Variants in MGAT4C observed in about 807,000 individuals in gnomAD.
MGAT4C encodes the protein MGAT4 family member C.
In MGAT4C, 19 loss-of-function variants were observed where a neutral mutation model predicts 40.1. The observed-to-expected ratio is 0.47, with a 90% confidence interval of 0.33 to 0.70. The LOEUF (loss-of-function observed/expected upper bound fraction) is 0.70. Ranked by LOEUF, MGAT4C falls within the 30% of genes least tolerant of loss-of-function variation. The pLI is 0.02. For missense variants in MGAT4C, 491 were observed against 563.2 expected (o/e 0.87, Z 1.30); for synonymous variants, 181 against 187.1 (o/e 0.97, Z 0.27).
chr12:86,195,254 C>T (rs774953540), intron 1 of MGAT4C, among the ~76,000 whole-genome samples: 4 of 152,164 alleles, frequency 2.6e-5, no homozygotes, highest in Non-Finnish European at 5.9e-5. Context: ...TTCTCAAGGG[C>T]TGGTTGCTGA....
intron 2 of MGAT4C, among the ~76,000 whole-genome samples, chr12:86,000,123 T>C (rs567736282): frequency 1.8e-4 from 27 of 152,170 alleles, no homozygotes; most frequent in African/African-American, 6.3e-4. Flanking sequence ...CACACAAATA[T>C]GTAAAATTGT....
At chr12:86,460,739 C>A (rs1202188508) in intron 2 of MGAT4C, among the ~76,000 whole-genome samples, 1 of 151,622 alleles carries the variant, frequency 6.6e-6, no homozygotes, top group South Asian at 2.1e-4. Context: ...TTTTTTTCTT[C>A]CCTGAGAAAT....
chr12:86,283,506 A>AT (rs1461755680), intron 4 of MGAT4C, among the ~76,000 whole-genome samples: 1 of 152,078 alleles, frequency 6.6e-6, no homozygotes, highest in Non-Finnish European at 1.5e-5. Flanking sequence ...GAAGAAAAAA[A>AT]TTTAAACAAT....
At chr12:86,165,932 G>A (rs1886147036) in intron 1 of MGAT4C, among the ~76,000 whole-genome samples, 1 of 152,104 alleles carries the variant, frequency 6.6e-6, no homozygotes, top group Non-Finnish European at 1.5e-5. Flanking sequence ...GTCAACATTT[G>A]AAACAGCTAA....
Position 85,963,407 on chromosome 12 carries a change from T to C in MGAT4C, c.*15882A>G, listed in dbSNP as rs1003698736. 2.6e-5 allele frequency: 4 copies of C among 151,842 alleles called. No homozygotes were observed. The highest frequency in any genetic ancestry group is 9.7e-5 in the African/African-American group (4 of 41,406). 9.4% of individuals were successfully genotyped at this position (151,842 alleles called of 1,614,324 possible). On this transcript the variant is annotated 3_prime_UTR_variant, in exon 5 of 5. Coordinates refer to ENST00000611864, the MANE Select transcript of MGAT4C (RefSeq NM_001351288.2). The stretch of plus-strand genomic sequence containing the variant: ...GATAATGATGAAAGCACAGAGATGC[T>C]ATCAAGAAAAATTTACCCACATAGG...
At chr12:86,821,853 A>G (rs1468612119) in intron 1 of MGAT4C, among the ~76,000 whole-genome samples, 2 of 151,018 alleles carry the variant, frequency 1.3e-5, no homozygotes, top group Non-Finnish European at 3.0e-5. Context: ...AGATAATATG[A>G]GAAAGACAAC....
In MGAT4C at chr12:86,199,383, A is replaced by G. The variant is rs537808192; in HGVS notation, c.-57+56856T>C. ...CAATGTTAAGGGACAGTTTAGGGGA[A>G]AAAGTAGAATTTTGTTCTAAATAAG... On this transcript the variant is annotated intron_variant, in intron 1 of 4. Coordinates refer to ENST00000611864, the MANE Select transcript of MGAT4C (RefSeq NM_001351288.2). Among the ~76,000 whole-genome samples the G allele has an allele frequency of 1.3e-4, 8 of 61,880 alleles. No homozygotes were observed. The East Asian group carries it at 3.2e-3, about 25-fold the overall frequency. 40.6% of individuals were successfully genotyped at this position (61,880 alleles called of 152,430 possible).
intron 1 of MGAT4C, among the ~76,000 whole-genome samples, chr12:86,175,921 A>G (rs922422716): frequency 2.0e-5 from 3 of 152,080 alleles, no homozygotes; most frequent in Non-Finnish European, 4.4e-5. Flanking sequence ...CAGTGAGCCG[A>G]TATCGCGCCA....
At chr12:86,240,313 T>C (rs1453994361) in intron 1 of MGAT4C, among the ~76,000 whole-genome samples, 1 of 151,860 alleles carries the variant, frequency 6.6e-6, no homozygotes, top group Admixed American at 6.6e-5. Flanking sequence ...CAGAGGCAAA[T>C]GTCTATCACT....
At chr12:86,187,076 C>A (rs1888842972) in intron 1 of MGAT4C, among the ~76,000 whole-genome samples, 1 of 152,058 alleles carries the variant, frequency 6.6e-6, no homozygotes, top group African/African-American at 2.4e-5. Context: ...ACATTCTGCA[C>A]ATTTTTTTTC....
chr12:86,047,956 C>CAT (rs1412859935), intron 2 of MGAT4C, among the ~76,000 whole-genome samples: 24 of 62,478 alleles, frequency 3.8e-4, no homozygotes, highest in Non-Finnish European at 1.8e-4. Flanking sequence ...CAAAAACACA[C>CAT]ACGGAAAATA....
chr12:86,747,951 C>T (rs529162182), intron 1 of MGAT4C, among the ~76,000 whole-genome samples: 1 of 151,624 alleles, frequency 6.6e-6, no homozygotes, highest in African/African-American at 2.4e-5. Context: ...CTCTGTAGCA[C>T]ATAAGTTACC....
intron 2 of MGAT4C, among the ~76,000 whole-genome samples, chr12:86,031,073 T>A (rs1890715485): frequency 6.6e-6 from 1 of 151,806 alleles, no homozygotes; most frequent in South Asian, 2.1e-4. Context: ...TCAAACTGAA[T>A]CTATCATAGT....
At chr12:86,074,514 C>T (rs1158844284) in intron 1 of MGAT4C, among the ~76,000 whole-genome samples, 2 of 152,124 alleles carry the variant, frequency 1.3e-5, no homozygotes, top group African/African-American at 2.4e-5. Flanking sequence ...AGTATAATGA[C>T]ACTCTATGTA....
At chr12:86,389,279 A>T (rs1269314575) in intron 3 of MGAT4C, among the ~76,000 whole-genome samples, 1 of 152,124 alleles carries the variant, frequency 6.6e-6, no homozygotes, top group East Asian at 1.9e-4. Context: ...CACACTTATA[A>T]GTGAGAACAT....
At chr12:86,465,249 A>G (rs1399387775) in intron 2 of MGAT4C, among the ~76,000 whole-genome samples, 2 of 152,190 alleles carry the variant, frequency 1.3e-5, no homozygotes, top group Non-Finnish European at 2.9e-5. Context: ...AGACCTAAAT[A>G]TAAAGTGCAA....
chr12:86,465,696 T>G (rs1957671100), intron 2 of MGAT4C, among the ~76,000 whole-genome samples: 1 of 152,118 alleles, frequency 6.6e-6, no homozygotes, highest in African/African-American at 2.4e-5. Flanking sequence ...TGCAAGCCTA[T>G]TAGATGGTCA....
intron 1 of MGAT4C, among the ~76,000 whole-genome samples, chr12:86,135,151 C>T (rs1332195651): frequency 1.3e-5 from 2 of 152,020 alleles, no homozygotes; most frequent in Admixed American, 6.6e-5. Flanking sequence ...ATAAATAGAG[C>T]ATCTGGATTT....
intron 2 of MGAT4C, among the ~76,000 whole-genome samples, chr12:86,443,784 C>A (rs771928454): frequency 6.6e-6 from 1 of 151,968 alleles, no homozygotes; most frequent in Non-Finnish European, 1.5e-5. Context: ...TTAGTAGAGA[C>A]AGGGTTTCGC....
Sources: allele counts gnomAD v4.1 joint callset (sites outside exome capture counted in the v4.1 genomes callset), GRCh38; gene constraint gnomAD v4.1.1; transcripts MANE v1.5; gene names NCBI Gene and HGNC (gene_info 2026-07-23, HGNC 2026-07-21).